NSA2: variants seen among roughly 807,000 people sequenced by gnomAD.
NSA2 encodes ribosome biogenesis protein NSA2 homolog.
In NSA2, 18 loss-of-function variants were observed where a neutral mutation model predicts 34.8. The observed-to-expected ratio is 0.52, with a 90% CI of 0.36 to 0.77. The LOEUF (loss-of-function observed/expected upper bound fraction) is 0.77. Ranked by LOEUF, NSA2 falls within the 30% of genes least tolerant of loss-of-function variation. NSA2 has a pLI of 0.00. For synonymous variants in NSA2, 79 were observed against 100.2 expected (o/e 0.79, Z 1.26); for missense variants, 188 against 314.7 (o/e 0.60, Z 3.05).
At chr5:74,772,188 G>A (rs771946081) in intron 4 of NSA2, among the ~76,000 whole-genome samples, 4 of 148,946 alleles carry the variant, frequency 2.7e-5, no homozygotes, top group Non-Finnish European at 4.4e-5. Flanking sequence ...GCAGTGGCAC[G>A]ATCTCGGCTC....
intron 5 of NSA2, among the ~76,000 whole-genome samples, chr5:74,774,821 CTTTATATTATG>C (rs1181175246): frequency 6.6e-6 from 1 of 152,150 alleles, no homozygotes; most frequent in Non-Finnish European, 1.5e-5. Flanking sequence ...TTTGCCACAA[CTTTATATTATG>C]TAAATACTTC....
chr5:74,774,180 T>C (rs2112423193), intron 5 of NSA2, 120 bp downstream of exon 5: 1 of 575,594 alleles, frequency 1.7e-6, no homozygotes, highest in East Asian at 2.8e-5. Flanking sequence ...GCTAAAACAC[T>C]GTAAATCAGA....
intron 1 of NSA2, among the ~76,000 whole-genome samples, chr5:74,768,037 C>G (rs1055649821): frequency 3.3e-5 from 5 of 152,324 alleles, no homozygotes; most frequent in Admixed American, 3.3e-4. Context: ...AATAGACTCA[C>G]GCCTGGCCGC....
intron 4 of NSA2, among the ~76,000 whole-genome samples, chr5:74,773,496 T>C (rs1043570793): frequency 6.8e-5 from 10 of 146,422 alleles, no homozygotes; most frequent in African/African-American, 2.3e-4. Flanking sequence ...AAAAATAAGC[T>C]AGGCATGGTG....
intron 1 of NSA2, among the ~76,000 whole-genome samples, chr5:74,768,233 G>A (rs533923700): frequency 2.1e-4 from 32 of 152,124 alleles, no homozygotes; most frequent in Non-Finnish European, 4.4e-4. Flanking sequence ...CCTATCATCT[G>A]GTCAGCGGGT....
rs1166971460 is a variant in NSA2 at position 74,778,958 on chromosome 5, A to G, written c.*2287A>G. The G allele has an allele frequency of 6.6e-6, 1 of 152,130 alleles. No individual in the cohort carries two copies. Among genetic ancestry groups the G allele is most frequent in the Non-Finnish European group, 1.5e-5 (1 of 67,944 alleles). 9.4% of individuals were successfully genotyped at this position (152,130 alleles called of 1,614,324 possible). A position where few individuals can be genotyped will look rare whatever the true frequency, so the allele number is the denominator to read the frequency against. On this transcript the variant is annotated 3_prime_UTR_variant, in exon 6 of 6. Transcript: ENST00000610426. The stretch of plus-strand genomic sequence containing the variant: ...TTCATGTAGGTTCCTTATTGAAGAT[A>G]AATTGTGGTATAAATTCTATACTCA...
intron 4 of NSA2, among the ~76,000 whole-genome samples, chr5:74,771,862 AAAAAAAAG>A (rs1341816986): frequency 4.7e-5 from 5 of 106,812 alleles, no homozygotes; most frequent in Admixed American, 1.1e-4. Context: ...TCAAAAAAAA[AAAAAAAAG>A]AAAAAAAGAA....
chr5:74,775,522 CAGG>C (rs1163571842), intron 5 of NSA2, among the ~76,000 whole-genome samples: 3 of 151,468 alleles, frequency 2.0e-5, no homozygotes, highest in Non-Finnish European at 4.4e-5. Flanking sequence ...GAGGCTGAGG[CAGG>C]AGAATCACAT....
At chr5:74,775,510 G>A (rs761253823) in intron 5 of NSA2, among the ~76,000 whole-genome samples, 156 of 151,054 alleles carry the variant, frequency 1.0e-3, no homozygotes, top group Non-Finnish European at 1.8e-3. Context: ...CCAGCTACTC[G>A]GGAGGCTGAG....
At position 74,773,721 on chromosome 5, in the gene NSA2, A is replaced by G. The variant is rs911174055; in HGVS notation, c.523-147A>G. ...TGTAACCATCAGCTTTTTACTCTGT[A>G]AAACATATTTTGTTAGCTTCTTTAA... On this transcript the variant is annotated intron_variant, in intron 4 of 5. Coordinates refer to ENST00000610426, the MANE Select transcript of NSA2 (RefSeq NM_014886.6). 203 of 625,800 alleles carry G rather than the reference A, an allele frequency of 3.2e-4. 2 individuals are homozygous for G. The highest frequency in any genetic ancestry group is 2.4e-3 in the South Asian group (103 of 43,182). 38.8% of individuals were successfully genotyped at this position (625,800 alleles called of 1,614,324 possible).
In NSA2 at chr5:74,776,824, G is replaced by T. The variant is rs1580060969; in HGVS notation, c.*153G>T. On this transcript the variant is annotated 3_prime_UTR_variant, in exon 6 of 6. Transcript: ENST00000610426. ...ATTAAAGTGGTCCAGTTTTATAAAT[G>T]GTCTTTATTTTGAAATACGCTTTGA... is the stretch of plus-strand genomic sequence containing the variant. 1 of 487,080 alleles carries T rather than the reference G, an allele frequency of 2.1e-6. No individual in the cohort carries two copies. The highest frequency in any genetic ancestry group is 3.3e-5 in the East Asian group (1 of 30,336). 30.2% of individuals were successfully genotyped at this position (487,080 alleles called of 1,614,324 possible). A position where few individuals can be genotyped will look rare whatever the true frequency, so the allele number is the denominator to read the frequency against.
chr5:74,776,282 T>C (rs1167532664), intron 5 of NSA2, among the ~76,000 whole-genome samples: 1 of 152,108 alleles, frequency 6.6e-6, no homozygotes, highest in African/African-American at 2.4e-5. Flanking sequence ...GGCGGATCAT[T>C]TGAGCTCAGG....
rs774525211 is a variant in NSA2 at position 74,777,266 on chromosome 5, T to A, written c.*595T>A. On this transcript the variant is annotated 3_prime_UTR_variant, in exon 6 of 6. Transcript: ENST00000610426. Reference sequence around the variant, plus strand: ...TAATAATACCTACTTGGCACTATTTTCTACTTGAATCATGAAAATGAAAAA... The same window carrying A: ...TAATAATACCTACTTGGCACTATTTACTACTTGAATCATGAAAATGAAAAA... The A allele has an allele frequency of 1.3e-5, 2 of 152,178 alleles. No homozygotes were observed. The highest frequency in any genetic ancestry group is 2.4e-5 in the African/African-American group (1 of 41,458). The allele number at this position is 152,178 out of a possible 1,614,324, so 9.4% of individuals were successfully genotyped here.
At chr5:74,774,146 A>G (rs1745035053) in intron 5 of NSA2, 86 bp downstream of exon 5, 1 of 945,352 alleles carries the variant, frequency 1.1e-6, no homozygotes, top group African/African-American at 1.7e-5. Context: ...TAAAATATAC[A>G]GCAAATTTTT....
In NSA2 at chr5:74,775,061, C is replaced by G. The variant is rs374416570; in HGVS notation, c.715+1001C>G. 4.0e-5 allele frequency among the ~76,000 whole-genome samples: 6 copies of G among 151,868 alleles called. No individual in the cohort carries two copies. The East Asian group carries it at 1.2e-3, about 30-fold the overall frequency. Reference sequence around the variant, plus strand: ...TGAAACCCCATCTCTACTAAAAATACACAAATTAGCCAGGTGTTGTGGCCC... The same window carrying G: ...TGAAACCCCATCTCTACTAAAAATAGACAAATTAGCCAGGTGTTGTGGCCC... On this transcript the variant is annotated intron_variant, in intron 5 of 5. Coordinates refer to ENST00000610426, the MANE Select transcript of NSA2 (RefSeq NM_014886.6).
rs1580046965 is a variant in NSA2, at chr5:74,767,322, A to C, written c.-39A>C. 1.2e-6 allele frequency: 2 copies of C among 1,612,606 alleles called. No individual in the cohort carries two copies. Among genetic ancestry groups the C allele is most frequent in the Non-Finnish European group, 1.7e-6 (2 of 1,179,108 alleles). On this transcript the variant is annotated 5_prime_UTR_variant, in exon 1 of 6. Transcript: ENST00000610426. ...ACCCGAAAATTGAGAGCGTTTTCGC[A>C]CTCCAGCGGCTGCTCCTGGCGGCTC...
At chr5:74,774,276 A>G (rs1745039396) in intron 5 of NSA2, among the ~76,000 whole-genome samples, 1 of 152,232 alleles carries the variant, frequency 6.6e-6, no homozygotes, top group Non-Finnish European at 1.5e-5. Flanking sequence ...TTTTAGTTAC[A>G]TAAGGTGTAA....
rs1029844563 is a variant in NSA2 at position 74,774,293 on chromosome 5, C to T, written c.715+233C>T. ...TTAGTTACATAAGGTGTAATACATT[C>T]TGCTAGATTTATTTTTATCCTTTTT... On this transcript the variant is annotated intron_variant, in intron 5 of 5. Transcript: ENST00000610426. Among the ~76,000 whole-genome samples, 6 of 152,240 alleles carry T rather than the reference C, an allele frequency of 3.9e-5. No homozygotes were observed. In the East Asian group the frequency reaches 9.7e-4, roughly 24 times the overall value.
Position 74,770,640 on chromosome 5 carries a change from G to C in NSA2, c.352G>C (p.Glu118Gln). The change falls in exon 4 of 6, where the codon GAA becomes CAA. Residue 118 changes from glutamate to glutamine, a missense_variant. By Grantham distance (29) the Glu-to-Gln change is conservative. Transcript: ENST00000610426. Reference protein sequence around the residue: ...QKRKEKAGKWEVPLPKVRAQG... With the variant: ...QKRKEKAGKWQVPLPKVRAQG... ...TGTGGCATATTTTTAGGGAAAATGG[G>C]AAGTCCCTCTGCCTAAAGTACGTGC... is the stretch of plus-strand genomic sequence containing the variant. 6.4e-7 allele frequency: 1 copy of C among 1,573,358 alleles called. No individual in the cohort carries two copies. The highest frequency in any genetic ancestry group is 8.6e-7 in the Non-Finnish European group (1 of 1,164,300).
Sources: allele counts gnomAD v4.1 joint callset (sites outside exome capture counted in the v4.1 genomes callset), GRCh38; gene constraint gnomAD v4.1.1; transcripts MANE v1.5; gene names NCBI Gene and HGNC (gene_info 2026-07-23, HGNC 2026-07-21).